The following SDK1 variants were observed in gnomAD, a reference collection of about 807,000 sequenced individuals.
SDK1 encodes the protein protein sidekick-1.
Under a neutral mutation model 245.5 loss-of-function variants are expected in SDK1, and 157 were observed. The ratio of observed to expected loss-of-function variants is 0.64; its 90% CI spans 0.56 to 0.73. The LOEUF (loss-of-function observed/expected upper bound fraction) is 0.73. Ranked by LOEUF, SDK1 falls within the 30% of genes least tolerant of loss-of-function variation. The probability of loss-of-function intolerance (pLI) is 0.00; values close to 1 mark genes in which losing one functional copy is unlikely to be tolerated. For synonymous variants in SDK1, 1,647 were observed against 1,278.5 expected, an observed-to-expected ratio of 1.29 and a Z score of -6.15; for missense variants, 3,583 against 3,002.3, an observed-to-expected ratio of 1.19 and a Z score of -4.52.
intron 5 of SDK1, 110 bp downstream of exon 5, chr7:3,821,693 G>A (rs1779650361): frequency 1.7e-6 from 2 of 1,184,590 alleles, no homozygotes; most frequent in Non-Finnish European, 2.4e-6. Context: ...CTCTAGTGTA[G>A]TAGTTACGGT....
At chr7:3,578,727 G>A (rs1354357616) in intron 1 of SDK1, among the ~76,000 whole-genome samples, 1 of 151,858 alleles carries the variant, frequency 6.6e-6, no homozygotes, top group Admixed American at 6.6e-5. Flanking sequence ...CTCTCTGCAG[G>A]AAGACAAATA....
At chr7:3,691,973 C>A (rs192019547) in intron 4 of SDK1, among the ~76,000 whole-genome samples, 1 of 152,242 alleles carries the variant, frequency 6.6e-6, no homozygotes, top group East Asian at 1.9e-4. Context: ...GTCTTTCAGT[C>A]TGTCCCCCTT....
At chr7:3,703,060 CA>C (rs34926857) in intron 4 of SDK1, among the ~76,000 whole-genome samples, 16,226 of 87,590 alleles carry the variant, frequency 0.19, 911 homozygotes, top group East Asian at 0.29. Flanking sequence ...GACTCTGTCT[CA>C]AAAAAAAAAA....
chr7:4,219,326 A>C (rs1487869227), intron 38 of SDK1, among the ~76,000 whole-genome samples: 1 of 152,162 alleles, frequency 6.6e-6, no homozygotes, highest in East Asian at 1.9e-4. Context: ...ATCTGTTCTC[A>C]CACTGCTAAT....
In SDK1 at chr7:3,526,803, A is replaced by G. The variant is rs368055852; in HGVS notation, c.299-92277A>G. Among the ~76,000 whole-genome samples, 25 of 152,280 alleles carry G rather than the reference A, an allele frequency of 1.6e-4. No individual in the cohort carries two copies. The East Asian group carries it at 4.0e-3, about 25-fold the overall frequency. On this transcript the variant is annotated intron_variant, in intron 1 of 44. Transcript: ENST00000404826. Reference sequence around the variant, plus strand: ...TTTGGTTGGTTTTCATTCCTGATGCATATACAAACCACTAGAGTATGCATT... The same window carrying G: ...TTTGGTTGGTTTTCATTCCTGATGCGTATACAAACCACTAGAGTATGCATT...
chr7:3,808,237 G>A (rs1236680570), intron 4 of SDK1, among the ~76,000 whole-genome samples: 1 of 152,204 alleles, frequency 6.6e-6, no homozygotes, highest in Non-Finnish European at 1.5e-5. Context: ...CAGAGCAGAA[G>A]CTTTGTAGAG....
intron 5 of SDK1, among the ~76,000 whole-genome samples, chr7:3,915,487 G>A (rs1562533903): frequency 6.6e-6 from 1 of 152,150 alleles, no homozygotes; most frequent in Non-Finnish European, 1.5e-5. Flanking sequence ...GTTTTCTGAG[G>A]GGTTTCCCCT....
At chr7:3,662,041 ATT>A (rs572659449) in intron 4 of SDK1, among the ~76,000 whole-genome samples, 29,922 of 124,794 alleles carry the variant, frequency 0.24, 3,063 homozygotes, top group East Asian at 0.33. Flanking sequence ...CAACGGTTGT[ATT>A]TTTTTTTTTT....
chr7:3,337,515 A>C lies in SDK1; in HGVS notation c.298+35631A>C, dbSNP rs73290062. Among the ~76,000 whole-genome samples the C allele has an allele frequency of 6.0e-3, 908 of 152,342 alleles. 10 individuals are homozygous for C. The highest frequency in any genetic ancestry group is 0.021 in the African/African-American group (879 of 41,584). ...GACTATAATTTCTCAAATTTGGTGAAAGACAGAAAGCTGTAGATCTAAGAA... is the reference window on the plus strand; with the variant it reads ...GACTATAATTTCTCAAATTTGGTGACAGACAGAAAGCTGTAGATCTAAGAA... On this transcript the variant is annotated intron_variant, in intron 1 of 44. Transcript: ENST00000404826.
chr7:3,803,468 G>A (rs777891801), intron 4 of SDK1, among the ~76,000 whole-genome samples: 7 of 151,670 alleles, frequency 4.6e-5, no homozygotes, highest in Admixed American at 2.6e-4. Context: ...ATGCCACTGT[G>A]CCTGATTAAT....
At chr7:3,381,343 C>A (rs190108271) in intron 1 of SDK1, among the ~76,000 whole-genome samples, 111 of 152,150 alleles carry the variant, frequency 7.3e-4, no homozygotes, top group Admixed American at 1.6e-3. Context: ...GGAACTGAGA[C>A]ATGAACTTGA....
At chr7:3,981,905 G>A (rs981458607) in intron 13 of SDK1, among the ~76,000 whole-genome samples, 6 of 152,252 alleles carry the variant, frequency 3.9e-5, no homozygotes, top group Non-Finnish European at 7.3e-5. Context: ...GACCTAGCTA[G>A]GAACAGTGAC....
intron 4 of SDK1, among the ~76,000 whole-genome samples, chr7:3,810,410 T>C (rs1020643591): frequency 6.6e-6 from 1 of 152,138 alleles, no homozygotes; most frequent in Non-Finnish European, 1.5e-5. Flanking sequence ...AAACCTGGGC[T>C]CTGTAAAAAC....
intron 4 of SDK1, among the ~76,000 whole-genome samples, chr7:3,707,130 T>A (rs1035342690): frequency 6.6e-6 from 1 of 152,220 alleles, no homozygotes; most frequent in Non-Finnish European, 1.5e-5. Context: ...TCTAGTTCCT[T>A]GAGATATGAC....
chr7:4,124,327 C>T, intron 25 of SDK1, among the ~76,000 whole-genome samples: 1 of 152,152 alleles, frequency 6.6e-6, no homozygotes, highest in East Asian at 1.9e-4. Context: ...GCCATGATCC[C>T]CCTGAAAGCT....
At chr7:3,987,840 C>G (rs1029965843) in intron 14 of SDK1, among the ~76,000 whole-genome samples, 2 of 152,168 alleles carry the variant, frequency 1.3e-5, no homozygotes, top group Non-Finnish European at 2.9e-5. Flanking sequence ...ACAGCCTTGG[C>G]TCTCCTCCAG....
At chr7:3,666,634 G>A (rs1048817331) in intron 4 of SDK1, among the ~76,000 whole-genome samples, 5 of 152,174 alleles carry the variant, frequency 3.3e-5, no homozygotes, top group Admixed American at 6.5e-5. Flanking sequence ...TGTATCTCAG[G>A]CCCTAAAATA....
intron 4 of SDK1, among the ~76,000 whole-genome samples, chr7:3,751,825 C>T (rs1338756884): frequency 8.5e-5 from 13 of 152,152 alleles, no homozygotes; most frequent in African/African-American, 2.7e-4. Context: ...CCTCTGAGGA[C>T]CGCTCCCTTC....
chr7:4,265,307 C>G lies in SDK1; in HGVS notation c.6565C>G (p.Gln2189Glu), dbSNP rs1184320834. The G allele has an allele frequency of 1.9e-6, 3 of 1,564,472 alleles. No individual in the cohort carries two copies. The highest frequency in any genetic ancestry group is 1.8e-5 in the Admixed American group (1 of 55,004). Residue 2189 changes from glutamine to glutamate, a missense_variant, in exon 45 of 45, where the codon CAG (glutamine) becomes GAG (glutamate). By Grantham distance (29) the Gln-to-Glu change is conservative. Transcript: ENST00000404826. ...GCAGCTGCACCCGGTCATCACCACGCAGAGCGCGGGCGGCGTCTACACCCC... is the reference window on the plus strand; with the variant it reads ...GCAGCTGCACCCGGTCATCACCACGGAGAGCGCGGGCGGCGTCTACACCCC... Reference protein sequence around the residue: ...GAQLHPVITTQSAGGVYTPAG... With the variant: ...GAQLHPVITTESAGGVYTPAG...
Sources: gnomAD v4.1 joint callset for allele counts (sites outside exome capture counted in the v4.1 genomes callset) on GRCh38, gnomAD v4.1.1 for gene constraint, MANE v1.5 for transcripts, NCBI Gene and HGNC (gene_info 2026-07-23, HGNC 2026-07-21) for gene names.